The following HS3ST2 variants were observed in gnomAD, a reference collection of about 807,000 sequenced individuals.
The protein encoded by HS3ST2 is heparan sulfate-glucosamine 3-sulfotransferase 2, also known as heparan sulfate glucosamine 3-O-sulfotransferase 2.
In HS3ST2, 17 loss-of-function variants were observed where a neutral mutation model predicts 26.3. The observed-to-expected ratio is 0.65, with a 90% CI of 0.44 to 0.97. HS3ST2 has a LOEUF of 0.97. HS3ST2 is among the 50% of genes least tolerant of loss of function. HS3ST2 has a pLI of 0.00. For missense variants in HS3ST2, 402 were observed against 501.2 expected, an observed-to-expected ratio of 0.80 and a Z score of 1.89; for synonymous variants, 237 against 219.2, an observed-to-expected ratio of 1.08 and a Z score of -0.72.
chr16:22,869,679 G>T (rs1001287985), intron 1 of HS3ST2, among the ~76,000 whole-genome samples: 1 of 152,092 alleles, frequency 6.6e-6, no homozygotes, highest in Non-Finnish European at 1.5e-5. Flanking sequence ...TGAGAACAGC[G>T]CAGGAAAGAC....
At chr16:22,832,151 C>CTT (rs71151684) in intron 1 of HS3ST2, among the ~76,000 whole-genome samples, 2,286 of 115,434 alleles carry the variant, frequency 0.02, 40 homozygotes, top group Non-Finnish European at 0.032. Flanking sequence ...CCCAGCTGAT[C>CTT]TTTTTTTTTT....
At chr16:22,907,262 A>G (rs1201950760) in intron 1 of HS3ST2, among the ~76,000 whole-genome samples, 2 of 152,234 alleles carry the variant, frequency 1.3e-5, no homozygotes, top group African/African-American at 2.4e-5. Context: ...GATTAATTCT[A>G]GAAAGGTAGA....
chr16:22,862,338 G>A (rs1406112437), intron 1 of HS3ST2, among the ~76,000 whole-genome samples: 1 of 151,268 alleles, frequency 6.6e-6, no homozygotes, highest in Non-Finnish European at 1.5e-5. Flanking sequence ...TAGACTGTGG[G>A]CTAGTTGGAG....
At chr16:22,840,338 A>G (rs947181943) in intron 1 of HS3ST2, among the ~76,000 whole-genome samples, 2 of 152,184 alleles carry the variant, frequency 1.3e-5, no homozygotes, top group African/African-American at 2.4e-5. Context: ...TTTGCTGGGT[A>G]AAGAAACCTT....
intron 1 of HS3ST2, among the ~76,000 whole-genome samples, chr16:22,909,371 A>G (rs531864999): frequency 6.6e-6 from 1 of 152,358 alleles, no homozygotes; most frequent in East Asian, 1.9e-4. Flanking sequence ...ACAGAAGCTT[A>G]AAAGGGTTGC....
At position 22,913,004 on chromosome 16, in the gene HS3ST2, T is replaced by G. The variant is rs144548717; in HGVS notation, c.486-1940T>G. Among the ~76,000 whole-genome samples the G allele has an allele frequency of 7.3e-3, 1,108 of 152,142 alleles. 6 individuals are homozygous for G. The highest frequency in any genetic ancestry group is 0.011 in the Non-Finnish European group (724 of 68,016). ...GTGTTTCTCAACTCTGCCTTCCCAT[T>G]AGAATGAGCTGAGGAACTTTATAGA... On this transcript the variant is annotated intron_variant, in intron 1 of 1. Transcript: ENST00000261374.
At chr16:22,830,793 T>A (rs1027668745) in intron 1 of HS3ST2, among the ~76,000 whole-genome samples, 3 of 152,236 alleles carry the variant, frequency 2.0e-5, no homozygotes, top group Non-Finnish European at 4.4e-5. Flanking sequence ...TTTTGTGCCA[T>A]CTTCATGATT....
intron 1 of HS3ST2, among the ~76,000 whole-genome samples, chr16:22,891,797 G>A (rs1437169630): frequency 1.1e-4 from 16 of 151,622 alleles, no homozygotes; most frequent in Admixed American, 1.1e-3. Flanking sequence ...TATATTCTAT[G>A]CATCTACACC....
rs569446094 is a variant in HS3ST2 at position 22,861,418 on chromosome 16, T to C, written c.485+46323T>C. The stretch of plus-strand genomic sequence containing the variant: ...GAACCTGTACTTGCTGGAGAGGAGT[T>C]TCTTGTTTCTGAGAGGCCTGGAGGA... On this transcript the variant is annotated intron_variant, in intron 1 of 1. Coordinates refer to ENST00000261374, the MANE Select transcript of HS3ST2 (RefSeq NM_006043.2). 4.0e-5 allele frequency among the ~76,000 whole-genome samples: 6 copies of C among 151,832 alleles called. No homozygotes were observed. In the South Asian group the frequency reaches 1.3e-3, roughly 32 times the overall value.
intron 1 of HS3ST2, among the ~76,000 whole-genome samples, chr16:22,833,108 C>A (rs1482562855): frequency 6.6e-6 from 1 of 152,192 alleles, no homozygotes; most frequent in Admixed American, 6.5e-5. Flanking sequence ...AGATGGGCCA[C>A]CAATGGTGTT....
chr16:22,901,171 A>C (rs1596631341), intron 1 of HS3ST2, among the ~76,000 whole-genome samples: 1 of 152,352 alleles, frequency 6.6e-6, no homozygotes, highest in South Asian at 2.1e-4. Flanking sequence ...CTAACACGAA[A>C]GTCACATGGC....
intron 1 of HS3ST2, among the ~76,000 whole-genome samples, chr16:22,912,808 G>A (rs960976814): frequency 3.3e-5 from 5 of 152,050 alleles, no homozygotes; most frequent in East Asian, 1.9e-4. Context: ...TGGTCACCTC[G>A]GGGCGTTGCC....
At chr16:22,817,109 T>A (rs541662711) in intron 1 of HS3ST2, among the ~76,000 whole-genome samples, 45 of 152,264 alleles carry the variant, frequency 3.0e-4, no homozygotes, top group African/African-American at 1.1e-3. Context: ...ATGTCTTATT[T>A]TTTATTTATT....
intron 1 of HS3ST2, among the ~76,000 whole-genome samples, chr16:22,876,396 T>C (rs1901917539): frequency 6.6e-6 from 1 of 152,036 alleles, no homozygotes; most frequent in South Asian, 2.1e-4. Flanking sequence ...AAAACTACAA[T>C]ACAATACCAC....
At chr16:22,815,234 C>A in intron 1 of HS3ST2, 139 bp downstream of exon 1, 2 of 1,150,194 alleles carry the variant, frequency 1.7e-6, no homozygotes, top group Non-Finnish European at 1.2e-6. Flanking sequence ...CCATGGGGGG[C>A]TATAGCAGAA....
At chr16:22,891,359 T>G (rs1567498108) in intron 1 of HS3ST2, among the ~76,000 whole-genome samples, 1 of 152,208 alleles carries the variant, frequency 6.6e-6, no homozygotes. Flanking sequence ...GAGTTTTATT[T>G]TATCCCCTTT....
At chr16:22,832,171 A>ATTTTTTT (rs1289839839) in intron 1 of HS3ST2, among the ~76,000 whole-genome samples, 2 of 112,144 alleles carry the variant, frequency 1.8e-5, no homozygotes, top group Non-Finnish European at 2.0e-5. Flanking sequence ...TTTTTTTTTA[A>ATTTTTTT]TTTTTAGTGG....
chr16:22,856,729 G>A (rs949991835), intron 1 of HS3ST2, among the ~76,000 whole-genome samples: 2 of 152,134 alleles, frequency 1.3e-5, no homozygotes, highest in East Asian at 1.9e-4. Context: ...CCATTTGGCC[G>A]TGACCTCAGA....
At chr16:22,898,235 A>G (rs1019819908) in intron 1 of HS3ST2, among the ~76,000 whole-genome samples, 6 of 152,194 alleles carry the variant, frequency 3.9e-5, no homozygotes, top group Non-Finnish European at 7.3e-5. Flanking sequence ...CAGACTAACT[A>G]GGGGGAAGGC....
Sources: allele counts gnomAD v4.1 joint callset (sites outside exome capture counted in the v4.1 genomes callset), GRCh38; gene constraint gnomAD v4.1.1; transcripts MANE v1.5; gene names NCBI Gene and HGNC (gene_info 2026-07-23, HGNC 2026-07-21).